Variants in TENM4 observed in about 807,000 individuals in gnomAD.
The protein encoded by TENM4 is teneurin-4.
In TENM4, 82 loss-of-function variants were observed where a neutral mutation model predicts 243.3. The ratio of observed to expected loss-of-function variants is 0.34; its 90% CI spans 0.28 to 0.40. TENM4 has a LOEUF of 0.40. TENM4 is among the 10% of genes least tolerant of loss of function. TENM4 has a pLI of 1.00. For missense variants in TENM4, 3,138 were observed against 3,673.3 expected, an observed-to-expected ratio of 0.85 and a Z score of 3.77; for synonymous variants, 1,412 against 1,456.3, an observed-to-expected ratio of 0.97 and a Z score of 0.69.
At chr11:79,143,329 T>C (rs1341933368) in intron 4 of TENM4, among the ~76,000 whole-genome samples, 3 of 152,128 alleles carry the variant, frequency 2.0e-5, no homozygotes, top group African/African-American at 7.2e-5. Context: ...ATATACACCA[T>C]GGAATACTAT....
chr11:79,123,523 T>C (rs1265016398), intron 4 of TENM4, among the ~76,000 whole-genome samples: 1 of 151,762 alleles, frequency 6.6e-6, no homozygotes, highest in Non-Finnish European at 1.5e-5. Context: ...GACGACACCC[T>C]GCTATATGCA....
chr11:78,925,245 T>C (rs1370596850), intron 6 of TENM4, among the ~76,000 whole-genome samples: 5 of 152,128 alleles, frequency 3.3e-5, no homozygotes, highest in Non-Finnish European at 7.4e-5. Flanking sequence ...GAATAAATTC[T>C]AATTCACTGG....
chr11:78,951,109 T>C (rs1476517351), intron 6 of TENM4, among the ~76,000 whole-genome samples: 2 of 152,236 alleles, frequency 1.3e-5, no homozygotes, highest in Admixed American at 1.3e-4. Context: ...AGGGGATGGA[T>C]GGAGAGTGGG....
chr11:78,770,625 C>T (rs970826782), intron 18 of TENM4, among the ~76,000 whole-genome samples: 1 of 152,230 alleles, frequency 6.6e-6, no homozygotes, highest in African/African-American at 2.4e-5. Flanking sequence ...TCTGCAGCTT[C>T]TGTGATAAAG....
At chr11:79,409,984 TG>T (rs1436286332) in intron 1 of TENM4, among the ~76,000 whole-genome samples, 2 of 152,184 alleles carry the variant, frequency 1.3e-5, no homozygotes, top group Admixed American at 6.5e-5. Context: ...TGAGCCACAC[TG>T]GAAGAAGAAC....
chr11:78,765,997 G>A (rs1034466449), intron 18 of TENM4, among the ~76,000 whole-genome samples: 1 of 151,992 alleles, frequency 6.6e-6, no homozygotes, highest in Admixed American at 6.6e-5. Flanking sequence ...TTTTATAGAG[G>A]ACATAATTCC....
intron 1 of TENM4, among the ~76,000 whole-genome samples, chr11:79,403,813 G>T (rs1190340044): frequency 6.6e-6 from 1 of 152,184 alleles, no homozygotes; most frequent in African/African-American, 2.4e-5. Flanking sequence ...CCGGGGGGTT[G>T]AGGGGGGTGG....
chr11:79,290,309 A>G (rs1269181354), intron 2 of TENM4, among the ~76,000 whole-genome samples: 1 of 152,224 alleles, frequency 6.6e-6, no homozygotes, highest in African/African-American at 2.4e-5. Flanking sequence ...AATGCTTTCA[A>G]TTTATATGTA....
intron 1 of TENM4, among the ~76,000 whole-genome samples, chr11:79,374,870 A>G (rs1469443603): frequency 6.6e-6 from 1 of 152,170 alleles, no homozygotes; most frequent in African/African-American, 2.4e-5. Flanking sequence ...GCCGGGGGTA[A>G]TTAGTAAACA....
intron 6 of TENM4, among the ~76,000 whole-genome samples, chr11:79,042,514 A>C (rs1311832362): frequency 6.6e-6 from 1 of 152,224 alleles, no homozygotes; most frequent in East Asian, 1.9e-4. Context: ...GGACACAGAA[A>C]GCACCATCTG....
intron 6 of TENM4, among the ~76,000 whole-genome samples, chr11:79,012,781 GGCT>G (rs1181905125): frequency 6.6e-6 from 1 of 152,130 alleles, no homozygotes; most frequent in African/African-American, 2.4e-5. Context: ...GGCTGAAAGT[GGCT>G]GCTCAGCGAG....
At chr11:79,161,780 G>C (rs777862396) in intron 3 of TENM4, among the ~76,000 whole-genome samples, 4 of 152,198 alleles carry the variant, frequency 2.6e-5, no homozygotes, top group African/African-American at 4.8e-5. Context: ...GTGGTCAGTG[G>C]GGACCCATTG....
At chr11:78,708,539 G>A in intron 26 of TENM4, 24 bp from the exon 27 acceptor site, 1 of 1,611,140 alleles carries the variant, frequency 6.2e-7, no homozygotes, top group Non-Finnish European at 8.5e-7. Context: ...AGCCAAAACA[G>A]GAACTCAGCA....
At chr11:79,006,615 C>T (rs1858491455) in intron 6 of TENM4, among the ~76,000 whole-genome samples, 1 of 152,206 alleles carries the variant, frequency 6.6e-6, no homozygotes. Flanking sequence ...CCACCCAAAG[C>T]CACATAGGGT....
At chr11:79,183,965 T>A (rs115575883) in intron 3 of TENM4, among the ~76,000 whole-genome samples, 2,093 of 152,280 alleles carry the variant, frequency 0.014, 47 homozygotes, top group South Asian at 0.039. Context: ...AATTTAATTA[T>A]AAAAGAATGA....
At chr11:79,200,554 T>A (rs1353844316) in intron 3 of TENM4, among the ~76,000 whole-genome samples, 1 of 152,222 alleles carries the variant, frequency 6.6e-6, no homozygotes, top group Non-Finnish European at 1.5e-5. Context: ...CTTCCAGGCT[T>A]ACTCCTCATC....
intron 1 of TENM4, among the ~76,000 whole-genome samples, chr11:79,322,155 TCCAGA>T (rs1856901340): frequency 6.6e-6 from 1 of 152,176 alleles, no homozygotes; most frequent in Non-Finnish European, 1.5e-5. Context: ...GTTCCCTCTG[TCCAGA>T]TGGCCCCTCT....
chr11:78,742,868 G>T (rs1017761628), intron 19 of TENM4, among the ~76,000 whole-genome samples: 9 of 152,182 alleles, frequency 5.9e-5, no homozygotes, highest in Admixed American at 3.3e-4. Context: ...GGGAAAAGTT[G>T]TAGGGCTGTG....
At chr11:78,876,225 C>T (rs972204249) in intron 9 of TENM4, among the ~76,000 whole-genome samples, 8 of 152,166 alleles carry the variant, frequency 5.3e-5, no homozygotes, top group African/African-American at 1.9e-4. Flanking sequence ...AAAGGCCTTA[C>T]ATAAAGGCAT....
Sources: gnomAD v4.1 joint callset for allele counts (sites outside exome capture counted in the v4.1 genomes callset) on GRCh38, gnomAD v4.1.1 for gene constraint, MANE v1.5 for transcripts, NCBI Gene and HGNC (gene_info 2026-07-23, HGNC 2026-07-21) for gene names.